The following PEX13 variants were observed in gnomAD, a reference collection of about 807,000 sequenced individuals.
The protein encoded by PEX13 is peroxisome biogenesis factor 13.
In PEX13, 28 loss-of-function variants were observed where a neutral mutation model predicts 34.5. That is an observed-to-expected ratio of 0.81 (90% confidence interval 0.60 to 1.11). The LOEUF (loss-of-function observed/expected upper bound fraction) is 1.11. Among genes scored for constraint, PEX13 ranks in the 50% most tolerant of loss-of-function variants. The pLI is 0.00. For missense variants in PEX13, 550 were observed against 491.0 expected, an observed-to-expected ratio of 1.12 and a Z score of -1.13; for synonymous variants, 177 against 175.1, an observed-to-expected ratio of 1.01 and a Z score of -0.09.
At chr2:61,046,004 C>G (rs566291313) in intron 3 of PEX13, among the ~76,000 whole-genome samples, 153 bp downstream of exon 3, 1 of 152,278 alleles carries the variant, frequency 6.6e-6, no homozygotes, top group African/African-American at 2.4e-5. Flanking sequence ...GCTTCCAAAT[C>G]TGGAGGAGTC....
intron 2 of PEX13, among the ~76,000 whole-genome samples, chr2:61,039,976 A>G (rs1054449394): frequency 2.6e-5 from 4 of 152,254 alleles, no homozygotes; most frequent in Admixed American, 2.0e-4. Flanking sequence ...GCAGCCAACA[A>G]ACATATGAAA....
At chr2:61,042,054 T>C (rs777796259) in intron 2 of PEX13, among the ~76,000 whole-genome samples, 4 of 152,260 alleles carry the variant, frequency 2.6e-5, no homozygotes, top group Non-Finnish European at 4.4e-5. Flanking sequence ...GGCCTGCTCC[T>C]ATTTTTGTAC....
chr2:61,021,533 G>T (rs1680263790), intron 1 of PEX13, among the ~76,000 whole-genome samples: 1 of 152,206 alleles, frequency 6.6e-6, no homozygotes, highest in Non-Finnish European at 1.5e-5. Flanking sequence ...GAACTGGGAG[G>T]AGCCCACTGC....
intron 1 of PEX13, among the ~76,000 whole-genome samples, chr2:61,027,451 C>G (rs1421253195): frequency 6.6e-6 from 1 of 152,118 alleles, no homozygotes; most frequent in African/African-American, 2.4e-5. Flanking sequence ...GGCCTTATCA[C>G]AGTCCTCTCC....
chr2:61,025,198 A>T (rs1680331973), intron 1 of PEX13, among the ~76,000 whole-genome samples: 1 of 151,548 alleles, frequency 6.6e-6, no homozygotes. Context: ...CCTCCCCCGT[A>T]GCTGGGATTA....
At position 61,049,100 on chromosome 2, in the gene PEX13, A is replaced by G; in HGVS notation, c.*330A>G. On this transcript the variant is annotated 3_prime_UTR_variant, in exon 4 of 4. Coordinates refer to ENST00000295030, the MANE Select transcript of PEX13 (RefSeq NM_002618.4). ...TATAGCATGCACAGTTTGGTACAGT[A>G]GAGATCATTAATACTTTTAAAAGTT... 1 of 268,974 alleles carries G rather than the reference A, an allele frequency of 3.7e-6. No homozygotes were observed. Among genetic ancestry groups the G allele is most frequent in the Non-Finnish European group, 7.2e-6 (1 of 139,830 alleles). 16.7% of individuals were successfully genotyped at this position (268,974 alleles called of 1,614,324 possible).
chr2:61,046,141 G>C (rs998848468), intron 3 of PEX13, among the ~76,000 whole-genome samples: 1 of 152,142 alleles, frequency 6.6e-6, no homozygotes. Context: ...ACACAAAAAC[G>C]TGATGTCAGT....
chr2:61,032,707 G>A (rs889648155), intron 2 of PEX13, among the ~76,000 whole-genome samples: 3 of 152,170 alleles, frequency 2.0e-5, no homozygotes, highest in African/African-American at 7.2e-5. Context: ...CTCTCAACTA[G>A]TAGAGAGTAT....
chr2:61,017,949 C>T (rs1026452235), intron 1 of PEX13, 98 bp downstream of exon 1: 23 of 1,375,908 alleles, frequency 1.7e-5, no homozygotes, highest in Middle Eastern at 3.6e-4. Context: ...ATTCCCTTCC[C>T]CCCTTTAACC....
chr2:61,020,387 A>C (rs1194442506), intron 1 of PEX13, among the ~76,000 whole-genome samples: 1 of 147,274 alleles, frequency 6.8e-6, no homozygotes, highest in East Asian at 1.9e-4. Context: ...GCAGAATGCT[A>C]TTGATTTTTT....
chr2:61,017,939 A>G (rs2104788624), intron 1 of PEX13, 88 bp downstream of exon 1: 1 of 1,408,326 alleles, frequency 7.1e-7, no homozygotes, highest in Non-Finnish European at 9.8e-7. Flanking sequence ...TAGTGGAGGT[A>G]TTCCCTTCCC....
chr2:61,032,776 G>A (rs375273951), intron 2 of PEX13, among the ~76,000 whole-genome samples: 2 of 152,150 alleles, frequency 1.3e-5, no homozygotes, highest in Non-Finnish European at 2.9e-5. Flanking sequence ...GGAAGAAATG[G>A]CATCTAAGTT....
intron 3 of PEX13, among the ~76,000 whole-genome samples, chr2:61,046,800 CTT>C (rs756354440): frequency 2.8e-4 from 42 of 152,154 alleles, no homozygotes; most frequent in Non-Finnish European, 5.1e-4. Context: ...TTTATGGAAA[CTT>C]CACCCTTTTT....
At chr2:61,038,223 G>C (rs1680567059) in intron 2 of PEX13, among the ~76,000 whole-genome samples, 1 of 152,154 alleles carries the variant, frequency 6.6e-6, no homozygotes, top group South Asian at 2.1e-4. Flanking sequence ...CCAATTAATA[G>C]AAAAAGAGGG....
At chr2:61,041,850 A>G (rs1680629871) in intron 2 of PEX13, among the ~76,000 whole-genome samples, 1 of 152,224 alleles carries the variant, frequency 6.6e-6, no homozygotes, top group Non-Finnish European at 1.5e-5. Flanking sequence ...TGAAGAAGCT[A>G]CTATAGGAAG....
intron 2 of PEX13, among the ~76,000 whole-genome samples, chr2:61,037,495 G>A (rs1223141854): frequency 1.3e-5 from 2 of 152,200 alleles, no homozygotes; most frequent in Non-Finnish European, 2.9e-5. Flanking sequence ...CATAGAGACT[G>A]AACAACCTGT....
intron 2 of PEX13, among the ~76,000 whole-genome samples, chr2:61,042,708 T>C (rs946669529): frequency 6.6e-6 from 1 of 152,154 alleles, no homozygotes; most frequent in Admixed American, 6.5e-5. Flanking sequence ...AATAAGTTCC[T>C]GAGAGGTTCA....
intron 2 of PEX13, among the ~76,000 whole-genome samples, chr2:61,042,915 A>C (rs1680648059): frequency 6.6e-6 from 1 of 152,240 alleles, no homozygotes; most frequent in Non-Finnish European, 1.5e-5. Context: ...TTGGCTCATC[A>C]TGACCCAATG....
chr2:61,023,911 C>G (rs373268025), intron 1 of PEX13, among the ~76,000 whole-genome samples: 8 of 152,112 alleles, frequency 5.3e-5, no homozygotes, highest in Non-Finnish European at 1.0e-4. Flanking sequence ...GTCCTCCCAC[C>G]TCAGCCTCCC....
Sources: allele counts gnomAD v4.1 joint callset (sites outside exome capture counted in the v4.1 genomes callset), GRCh38; gene constraint gnomAD v4.1.1; transcripts MANE v1.5; gene names NCBI Gene and HGNC (gene_info 2026-07-23, HGNC 2026-07-21).